Variants in DAB1 observed in about 807,000 individuals in gnomAD.
The protein encoded by DAB1 is DAB adaptor protein 1, also known as disabled homolog 1.
DAB1 carries 15 observed loss-of-function variants against 64.6 expected under a neutral mutation model. The ratio of observed to expected loss-of-function variants is 0.23; its 90% CI spans 0.16 to 0.36. The LOEUF is 0.36. DAB1 is among the 10% of genes least tolerant of loss of function. The pLI is 1.00. For synonymous variants in DAB1, 235 were observed against 251.9 expected, an observed-to-expected ratio of 0.93 and a Z score of 0.64; for missense variants, 596 against 706.7, an observed-to-expected ratio of 0.84 and a Z score of 1.78.
chr1:57,286,913 A>T (rs1419130748), intron 2 of DAB1, among the ~76,000 whole-genome samples: 1 of 152,238 alleles, frequency 6.6e-6, no homozygotes, highest in Non-Finnish European at 1.5e-5. Flanking sequence ...TTAAAAATCT[A>T]TCAGTTAAAT....
At chr1:58,288,019 CAAAAAAAAAAAA>C (rs763850453) in intron 4 of DAB1, among the ~76,000 whole-genome samples, 1 of 21,982 alleles carries the variant, frequency 4.5e-5, no homozygotes, top group Non-Finnish European at 1.2e-4. Flanking sequence ...AAGACTGCCT[CAAAAAAAAAAAA>C]AAAAAAAAAA....
In DAB1 at chr1:57,562,630, G is replaced by A. The variant is rs1057025998; in HGVS notation, n.625+86962C>T. Among the ~76,000 whole-genome samples the A allele has an allele frequency of 6.6e-5, 10 of 152,200 alleles. No homozygotes were observed. In the South Asian group the frequency reaches 1.2e-3, roughly 19 times the overall value. On this transcript the variant is annotated intron_variant and non_coding_transcript_variant, in intron 7 of 20. Transcript: ENST00000485760. The stretch of plus-strand genomic sequence containing the variant: ...TGTCTCCCACAGCCAGGATTCATGC[G>A]TCCAGGAATCAAAGGATGGAAGTGG...
intron 3 of DAB1, among the ~76,000 whole-genome samples, chr1:58,462,373 G>A (rs186836966): frequency 7.2e-5 from 11 of 152,116 alleles, no homozygotes; most frequent in East Asian, 3.9e-4. Context: ...TGATCCACCC[G>A]CCTCGGCCTC....
At chr1:58,106,734 C>A (rs904636466) in intron 5 of DAB1, among the ~76,000 whole-genome samples, 2 of 152,106 alleles carry the variant, frequency 1.3e-5, no homozygotes, top group Non-Finnish European at 2.9e-5. Context: ...CATGACTCCA[C>A]CTAAGTCTTA....
At chr1:58,369,753 T>C (rs1006498463) in intron 3 of DAB1, among the ~76,000 whole-genome samples, 3 of 152,264 alleles carry the variant, frequency 2.0e-5, no homozygotes, top group Non-Finnish European at 4.4e-5. Context: ...GTTCTTTCAC[T>C]GTACTACAAT....
intron 4 of DAB1, among the ~76,000 whole-genome samples, chr1:57,087,308 C>G (rs1301182314): frequency 6.6e-6 from 1 of 152,194 alleles, no homozygotes; most frequent in Admixed American, 6.5e-5. Context: ...AGATGCAGAG[C>G]CTGGGCTGGG....
chr1:57,956,153 T>C (rs1024846272), intron 5 of DAB1, among the ~76,000 whole-genome samples: 5 of 152,170 alleles, frequency 3.3e-5, no homozygotes, highest in African/African-American at 7.2e-5. Flanking sequence ...GGAACATTTA[T>C]AGATCATCAG....
chr1:58,014,791 T>C (rs879625399), intron 5 of DAB1, among the ~76,000 whole-genome samples: 2 of 151,968 alleles, frequency 1.3e-5, no homozygotes, highest in Non-Finnish European at 2.9e-5. Flanking sequence ...AGTGAGGGAA[T>C]CGATTTGCCT....
At chr1:57,583,643 T>C (rs1645342754) in intron 7 of DAB1, among the ~76,000 whole-genome samples, 1 of 152,134 alleles carries the variant, frequency 6.6e-6, no homozygotes, top group African/African-American at 2.4e-5. Context: ...CAGTAGCCCA[T>C]GGGCCAGATT....
rs773535762 is a variant in DAB1 at position 57,023,607 on chromosome 1, T to A, written c.819A>T (p.Pro273=). 1.2e-6 allele frequency: 2 copies of A among 1,612,432 alleles called. No individual in the cohort carries two copies. Among genetic ancestry groups the A allele is most frequent in the East Asian group, 2.2e-5 (1 of 44,848 alleles). ...TCGCTGGAAGGGTCTGAGATGAAGA[T>A]GGGATAAAGGCATCACCTGGAGTTG... The part of the protein sequence containing the change: ...TPATPGDAFI[P]SSSQTLPASA... Residue 273 remains proline (P), a synonymous_variant, in exon 11 of 15, where the codon CCA becomes CCT. Coordinates refer to ENST00000371236, the MANE Select transcript of DAB1 (RefSeq NM_001365792.1).
At chr1:58,095,681 C>T (rs958065785) in intron 5 of DAB1, among the ~76,000 whole-genome samples, 5 of 152,178 alleles carry the variant, frequency 3.3e-5, no homozygotes, top group Non-Finnish European at 5.9e-5. Context: ...TATCCCACCC[C>T]GGACATGCAT....
chr1:58,457,924 G>T (rs1645207335), intron 3 of DAB1, among the ~76,000 whole-genome samples: 1 of 152,196 alleles, frequency 6.6e-6, no homozygotes, highest in Admixed American at 6.5e-5. Flanking sequence ...CTGGCTGATA[G>T]ATGCTATTTA....
At chr1:58,077,407 G>C (rs1020501019) in intron 5 of DAB1, among the ~76,000 whole-genome samples, 5 of 152,184 alleles carry the variant, frequency 3.3e-5, no homozygotes, top group African/African-American at 9.6e-5. Flanking sequence ...GACCAAAGGG[G>C]TTCATCACTC....
chr1:58,321,608 T>C (rs534335963), intron 4 of DAB1, among the ~76,000 whole-genome samples: 7 of 152,382 alleles, frequency 4.6e-5, no homozygotes, highest in South Asian at 4.1e-4. Context: ...CAGGAGATTA[T>C]ATCCCGTGCC....
chr1:57,841,956 G>A (rs1404352104), intron 1 of DAB1, among the ~76,000 whole-genome samples: 1 of 152,144 alleles, frequency 6.6e-6, no homozygotes, highest in East Asian at 1.9e-4. Context: ...TCTACTGCAT[G>A]GTCAGGCTAG....
chr1:57,039,603 C>T (rs561278860), intron 9 of DAB1, among the ~76,000 whole-genome samples: 3 of 152,308 alleles, frequency 2.0e-5, no homozygotes, highest in African/African-American at 7.2e-5. Flanking sequence ...GAGTCTGCCT[C>T]ATCATTCCAC....
In DAB1 at chr1:57,526,023, C is replaced by T. The variant is rs558255198; in HGVS notation, n.625+123569G>A. ...CACTATCTCAGCTCACTGCAACCTC[C>T]GCCTCCTGGGTTCAAGCAATTCTCC... On this transcript the variant is annotated intron_variant and non_coding_transcript_variant, in intron 7 of 20. Transcript: ENST00000485760. Among the ~76,000 whole-genome samples the T allele has an allele frequency of 2.0e-4, 31 of 151,552 alleles. 1 individual carries two copies. In the East Asian group the frequency reaches 4.1e-3, roughly 20 times the overall value.
At chr1:57,224,210 G>A (rs188042988) in intron 2 of DAB1, among the ~76,000 whole-genome samples, 3 of 152,242 alleles carry the variant, frequency 2.0e-5, no homozygotes, top group Admixed American at 6.5e-5. Context: ...GGTGAAAACC[G>A]AATCACTACC....
At chr1:57,359,300 A>G (rs1431941590) in intron 1 of DAB1, among the ~76,000 whole-genome samples, 1 of 152,100 alleles carries the variant, frequency 6.6e-6, no homozygotes, top group Admixed American at 6.6e-5. Flanking sequence ...AACATCTCTC[A>G]AAAGAAGATA....
Sources: gnomAD v4.1 joint callset for allele counts (sites outside exome capture counted in the v4.1 genomes callset) on GRCh38, gnomAD v4.1.1 for gene constraint, MANE v1.5 for transcripts, NCBI Gene and HGNC (gene_info 2026-07-23, HGNC 2026-07-21) for gene names.